WDR33: variants seen among roughly 807,000 people sequenced by gnomAD.
The protein encoded by WDR33 is WD repeat domain 33.
A neutral mutation model predicts 164.9 loss-of-function variants in WDR33; 47 were observed. That is an observed-to-expected ratio of 0.29 (90% CI 0.23 to 0.36). The LOEUF is 0.36. Ranked by LOEUF, WDR33 falls within the 10% of genes least tolerant of loss-of-function variation. The probability of loss-of-function intolerance (pLI) is 1.00; values close to 1 mark genes in which losing one functional copy is unlikely to be tolerated. For synonymous variants in WDR33, 505 were observed against 589.0 expected (o/e 0.86, Z 2.06); for missense variants, 1,137 against 1,754.1 (o/e 0.65, Z 6.28).
At chr2:127,762,954 T>A (rs951152737) in intron 7 of WDR33, 108 bp downstream of exon 7, 1 of 1,543,834 alleles carries the variant, frequency 6.5e-7, no homozygotes, top group Non-Finnish European at 8.8e-7. Flanking sequence ...TGTGTATATG[T>A]AAAAAAAATT....
At position 127,801,102 on chromosome 2, in the gene WDR33, A is replaced by C. The variant is rs1438728061; in HGVS notation, c.-24+9910T>G. On this transcript the variant is annotated intron_variant, in intron 1 of 21. Coordinates refer to ENST00000322313, the MANE Select transcript of WDR33 (RefSeq NM_018383.5). Reference sequence around the variant, plus strand: ...GACAACATAGTGAGACCCTGTCTCTAGGAAAAAAAAAAAAAAGAAAAGAAA... The same window carrying C: ...GACAACATAGTGAGACCCTGTCTCTCGGAAAAAAAAAAAAAAGAAAAGAAA... Among the ~76,000 whole-genome samples the C allele has an allele frequency of 3.3e-5, 4 of 121,680 alleles. No homozygotes were observed. The East Asian group carries it at 8.6e-4, about 26-fold the overall frequency. The allele number at this position is 121,680 out of a possible 152,430, so 79.8% of individuals were successfully genotyped here.
chr2:127,796,943 C>T (rs1019057383), intron 1 of WDR33, among the ~76,000 whole-genome samples: 1 of 151,956 alleles, frequency 6.6e-6, no homozygotes, highest in Non-Finnish European at 1.5e-5. Context: ...TCCTCATTAG[C>T]CCCAGATTCT....
At chr2:127,737,471 C>T (rs1265422120) in intron 7 of WDR33, 5 of 985,468 alleles carry the variant, frequency 5.1e-6, no homozygotes, top group Non-Finnish European at 6.0e-6. Context: ...TCAAGAAAAG[C>T]AGTATATAGT....
rs1483849301 is a variant in WDR33 at position 127,701,972 on chromosome 2, C to T, written c.*4351G>A. Reference sequence around the variant, plus strand: ...AAGCGCCGTCCCGGCCCGCGCTGCTCTACATGGCAGCGCTGGGCGCCACGC... The same window carrying T: ...AAGCGCCGTCCCGGCCCGCGCTGCTTTACATGGCAGCGCTGGGCGCCACGC... On this transcript the variant is annotated 3_prime_UTR_variant, in exon 22 of 22. Coordinates refer to ENST00000322313, the MANE Select transcript of WDR33 (RefSeq NM_018383.5). 7.2e-7 allele frequency: 1 copy of T among 1,379,690 alleles called. No homozygotes were observed. The highest frequency in any genetic ancestry group is 9.3e-7 in the Non-Finnish European group (1 of 1,072,248). 85.5% of individuals were successfully genotyped at this position (1,379,690 alleles called of 1,614,324 possible).
rs542254389 is a variant in WDR33, at chr2:127,723,903, C to T, written c.1196+430G>A. Among the ~76,000 whole-genome samples the T allele has an allele frequency of 1.3e-3, 197 of 152,030 alleles. No individual in the cohort carries two copies. The highest frequency in any genetic ancestry group is 4.4e-3 in the African/African-American group (183 of 41,444). Reference sequence around the variant, plus strand: ...ATCAGCCTGGGCAACATGGTGAAACCCCATCTCTACAAAAAATGCAAAAAT... The same window carrying T: ...ATCAGCCTGGGCAACATGGTGAAACTCCATCTCTACAAAAAATGCAAAAAT... On this transcript the variant is annotated intron_variant, in intron 11 of 21. Transcript: ENST00000322313. This position sits in a 1 kb window ranked among gnomAD's most constrained non-coding sequence, Gnocchi z 5.9.
intron 1 of WDR33, among the ~76,000 whole-genome samples, chr2:127,799,552 T>C (rs1462550561): frequency 6.6e-6 from 1 of 152,116 alleles, no homozygotes; most frequent in African/African-American, 2.4e-5. Flanking sequence ...CCCAGCACTT[T>C]GGGAGGCCAA....
chr2:127,780,048 A>G (rs1688318035), intron 1 of WDR33, among the ~76,000 whole-genome samples: 1 of 146,386 alleles, frequency 6.8e-6, no homozygotes, highest in Non-Finnish European at 1.5e-5. Context: ...ATCTCGGCTC[A>G]CTGCAAGCTC....
At chr2:127,732,267 A>T (rs1686730578) in intron 7 of WDR33, among the ~76,000 whole-genome samples, 1 of 152,064 alleles carries the variant, frequency 6.6e-6, no homozygotes, top group South Asian at 2.1e-4. Context: ...GTATGGGAAT[A>T]AGAGTGGCAT....
At position 127,803,120 on chromosome 2, in the gene WDR33, T is replaced by C. The variant is rs535290723; in HGVS notation, c.-24+7892A>G. The stretch of plus-strand genomic sequence containing the variant: ...GCTGAAAAATGTTATTTCAAGTAAC[T>C]TTTGAAGAAAGTTCATCTTTAATGC... On this transcript the variant is annotated intron_variant, in intron 1 of 21. Coordinates refer to ENST00000322313, the MANE Select transcript of WDR33 (RefSeq NM_018383.5). 1.9e-4 allele frequency among the ~76,000 whole-genome samples: 29 copies of C among 152,238 alleles called. No homozygotes were observed. The East Asian group carries it at 5.6e-3, about 29-fold the overall frequency.
chr2:127,709,020 C>A lies in WDR33; in HGVS notation c.3566-128G>T. 9.7e-7 allele frequency: 1 copy of A among 1,036,208 alleles called. No homozygotes were observed. Among genetic ancestry groups the A allele is most frequent in the Non-Finnish European group, 1.3e-6 (1 of 755,930 alleles). The allele number at this position is 1,036,208 out of a possible 1,614,324, so 64.2% of individuals were successfully genotyped here. A position where few individuals can be genotyped will look rare whatever the true frequency, so the allele number is the denominator to read the frequency against. On this transcript the variant is annotated intron_variant, in intron 20 of 21. Transcript: ENST00000322313. The surrounding 1 kb of genome is among the most constrained non-coding windows in gnomAD (Gnocchi z 5.0). ...CTCATGCTGAATGCCCGCCAGAGGC[C>A]AAAGGGTAAGCCACCCAGACATCAG... is the stretch of plus-strand genomic sequence containing the variant.
intron 1 of WDR33, among the ~76,000 whole-genome samples, chr2:127,800,748 A>T (rs547922844): frequency 5.9e-5 from 9 of 152,236 alleles, no homozygotes; most frequent in African/African-American, 2.2e-4. Context: ...ATTTCTGTAA[A>T]CTGTACTTGG....
chr2:127,800,636 C>CAAAAAAAAAAAAA (rs35733292), intron 1 of WDR33, among the ~76,000 whole-genome samples: 1 of 95,580 alleles, frequency 1.0e-5, no homozygotes, highest in Admixed American at 1.1e-4. Flanking sequence ...GACTCCGTCT[C>CAAAAAAAAAAAAA]AAAAAAAAAA....
chr2:127,764,286 G>A lies in WDR33; in HGVS notation c.626+542C>T, dbSNP rs1260154536. ...TGATCTGCTTACAGCTGCAAAGCTT[G>A]AAGAACCCATTCATTACTCCGTTAA... On this transcript the variant is annotated intron_variant, in intron 6 of 21. Transcript: ENST00000322313. The surrounding 1 kb of genome is among the most constrained non-coding windows in gnomAD (Gnocchi z 6.2). 1.6e-6 allele frequency: 2 copies of A among 1,273,208 alleles called. No individual in the cohort carries two copies. 78.9% of individuals were successfully genotyped at this position (1,273,208 alleles called of 1,614,324 possible). A position where few individuals can be genotyped will look rare whatever the true frequency, so the allele number is the denominator to read the frequency against.
At chr2:127,786,344 T>G (rs997375790) in intron 1 of WDR33, among the ~76,000 whole-genome samples, 1 of 152,230 alleles carries the variant, frequency 6.6e-6, no homozygotes, top group Non-Finnish European at 1.5e-5. Flanking sequence ...CGATACTGTT[T>G]TTCTCTTATT....
chr2:127,776,353 T>A (rs555653623), intron 1 of WDR33, among the ~76,000 whole-genome samples: 3 of 152,326 alleles, frequency 2.0e-5, no homozygotes, highest in African/African-American at 7.2e-5. Flanking sequence ...GCACCCAGTC[T>A]ATGGTATTTT....
At position 127,759,018 on chromosome 2, in the gene WDR33, A is replaced by T. The variant is rs567084158; in HGVS notation, c.724+4044T>A. 1.4e-4 allele frequency among the ~76,000 whole-genome samples: 21 copies of T among 152,294 alleles called. No homozygotes were observed. In the South Asian group the frequency reaches 3.5e-3, roughly 26 times the overall value. Reference sequence around the variant, plus strand: ...AGTCTCGCATATTTCTCGTGTGTACAATGTTATTTTATCATAAGCTTGGGA... The same window carrying T: ...AGTCTCGCATATTTCTCGTGTGTACTATGTTATTTTATCATAAGCTTGGGA... On this transcript the variant is annotated intron_variant, in intron 7 of 21. Transcript: ENST00000322313.
Position 127,726,642 on chromosome 2 carries a change from G to A in WDR33, c.851+9C>T. The A allele has an allele frequency of 6.2e-7, 1 of 1,613,854 alleles. No homozygotes were observed. The highest frequency in any genetic ancestry group is 8.5e-7 in the Non-Finnish European group (1 of 1,179,870). ...GTTCAGGGGCCAAGGTGGGGTTCCT[G>A]TCACTTACAGTGTTGCAAGACTCTG... On this transcript the variant is annotated intron_variant, in intron 8 of 21. Transcript: ENST00000322313. The surrounding 1 kb of genome is among the most constrained non-coding windows in gnomAD (Gnocchi z 4.8).
chr2:127,727,959 G>C (rs1046363835), intron 7 of WDR33, among the ~76,000 whole-genome samples: 6 of 152,192 alleles, frequency 3.9e-5, no homozygotes, highest in Admixed American at 2.6e-4. Flanking sequence ...GAGACAATTT[G>C]GGTCTCAAAT....
chr2:127,803,617 T>C (rs1178459658), intron 1 of WDR33, among the ~76,000 whole-genome samples: 1 of 152,060 alleles, frequency 6.6e-6, no homozygotes, highest in Admixed American at 6.6e-5. Flanking sequence ...TTTAATATCA[T>C]GTTTTCTAGC....
Sources: gnomAD v4.1 joint callset for allele counts (sites outside exome capture counted in the v4.1 genomes callset) on GRCh38, gnomAD v4.1.1 for gene constraint, Gnocchi (gnomAD v3.1) non-coding constraint, MANE v1.5 for transcripts, NCBI Gene and HGNC (gene_info 2026-07-23, HGNC 2026-07-21) for gene names.